The following AUTS2 variants were observed in gnomAD, a reference collection of about 807,000 sequenced individuals.
The protein encoded by AUTS2 is activator of transcription and developmental regulator AUTS2.
AUTS2 carries 17 observed loss-of-function variants against 112.4 expected under a neutral mutation model. The observed-to-expected ratio is 0.15, with a 90% confidence interval of 0.10 to 0.23. The LOEUF is 0.23. AUTS2 is among the 10% of genes least tolerant of loss of function. AUTS2 has a pLI of 1.00. For synonymous variants in AUTS2, 751 were observed against 702.7 expected, an observed-to-expected ratio of 1.07 and a Z score of -1.09; for missense variants, 1,510 against 1,701.6, an observed-to-expected ratio of 0.89 and a Z score of 1.98.
At chr7:69,900,971 A>G (rs185909056) in intron 2 of AUTS2, among the ~76,000 whole-genome samples, 56 of 152,338 alleles carry the variant, frequency 3.7e-4, no homozygotes, top group African/African-American at 1.3e-3. Flanking sequence ...TATCATGGTT[A>G]CTTAACAGCT....
chr7:70,479,788 G>A (rs1259927782), intron 5 of AUTS2, among the ~76,000 whole-genome samples: 3 of 152,184 alleles, frequency 2.0e-5, no homozygotes, highest in Non-Finnish European at 4.4e-5. Flanking sequence ...AGTCCCCGGG[G>A]TTTCCCCTCA....
intron 1 of AUTS2, among the ~76,000 whole-genome samples, chr7:69,851,938 GT>G (rs1410183793): frequency 1.3e-5 from 2 of 152,108 alleles, no homozygotes; most frequent in Non-Finnish European, 2.9e-5. Context: ...AACAGGGACA[GT>G]TTTATTATTT....
chr7:69,786,770 T>C (rs901623239), intron 1 of AUTS2, among the ~76,000 whole-genome samples: 1 of 152,342 alleles, frequency 6.6e-6, no homozygotes, highest in Admixed American at 6.5e-5. Context: ...AATGATTTTT[T>C]AAACTGCATA....
At chr7:70,724,738 C>T (rs1228366738) in intron 6 of AUTS2, among the ~76,000 whole-genome samples, 1 of 152,164 alleles carries the variant, frequency 6.6e-6, no homozygotes, top group African/African-American at 2.4e-5. Context: ...AGCCACCGCG[C>T]CCGGCCTCAT....
chr7:70,176,203 A>G (rs866625417), intron 4 of AUTS2, among the ~76,000 whole-genome samples: 14 of 152,190 alleles, frequency 9.2e-5, no homozygotes, highest in Admixed American at 2.6e-4. Flanking sequence ...TTAGTTTCCA[A>G]TGAAGGATGG....
chr7:70,719,741 C>T (rs1350244824), intron 6 of AUTS2, among the ~76,000 whole-genome samples: 1 of 152,112 alleles, frequency 6.6e-6, no homozygotes, highest in Non-Finnish European at 1.5e-5. Context: ...CGATTACAGG[C>T]GTGAACCACC....
At chr7:70,029,906 T>A (rs1302037825) in intron 2 of AUTS2, among the ~76,000 whole-genome samples, 1 of 152,216 alleles carries the variant, frequency 6.6e-6, no homozygotes, top group Non-Finnish European at 1.5e-5. Context: ...TTTACCAACC[T>A]CTGGCCTGTG....
At chr7:70,086,158 G>A (rs369113300) in intron 2 of AUTS2, among the ~76,000 whole-genome samples, 2 of 152,106 alleles carry the variant, frequency 1.3e-5, no homozygotes, top group East Asian at 3.9e-4. Context: ...CTTTGCATTT[G>A]TGTATGAATT....
At chr7:70,020,753 A>G (rs1229287970) in intron 2 of AUTS2, among the ~76,000 whole-genome samples, 1 of 151,974 alleles carries the variant, frequency 6.6e-6, no homozygotes, top group Non-Finnish European at 1.5e-5. Context: ...GCACAATCAT[A>G]GCTCACTGCA....
chr7:69,859,550 A>G (rs545595863), intron 1 of AUTS2, among the ~76,000 whole-genome samples: 2 of 152,190 alleles, frequency 1.3e-5, no homozygotes, highest in Non-Finnish European at 2.9e-5. Flanking sequence ...TCCTATTCTT[A>G]TCTCCATCCA....
intron 5 of AUTS2, among the ~76,000 whole-genome samples, chr7:70,554,569 A>G (rs1801168177): frequency 6.6e-6 from 1 of 151,718 alleles, no homozygotes; most frequent in South Asian, 2.1e-4. Flanking sequence ...AAACATCAAT[A>G]AACTGCATGT....
chr7:70,364,732 T>C (rs1758308745), intron 4 of AUTS2, among the ~76,000 whole-genome samples: 1 of 152,182 alleles, frequency 6.6e-6, no homozygotes, highest in Admixed American at 6.5e-5. Context: ...TCATTCATTA[T>C]AAAGAACTCT....
At chr7:70,029,496 G>A (rs939498727) in intron 2 of AUTS2, among the ~76,000 whole-genome samples, 1 of 151,900 alleles carries the variant, frequency 6.6e-6, no homozygotes, top group Non-Finnish European at 1.5e-5. Context: ...AACATTTGTT[G>A]AATTGGATTA....
At chr7:70,698,417 A>G in intron 5 of AUTS2, 152 bp from the exon 6 acceptor site, 3 of 626,940 alleles carry the variant, frequency 4.8e-6, no homozygotes, top group Non-Finnish European at 8.1e-6. Flanking sequence ...GCAGTCAACT[A>G]GCACCACCTT....
chr7:69,951,289 T>C (rs1348382526), intron 2 of AUTS2, among the ~76,000 whole-genome samples: 1 of 152,074 alleles, frequency 6.6e-6, no homozygotes, highest in Non-Finnish European at 1.5e-5. Context: ...CTCTTGAGTC[T>C]TCAGGCTTTT....
At chr7:70,455,772 G>C (rs897513571) in intron 5 of AUTS2, among the ~76,000 whole-genome samples, 1 of 152,102 alleles carries the variant, frequency 6.6e-6, no homozygotes, top group African/African-American at 2.4e-5. Context: ...GGGTGACAGA[G>C]TGAGACTCTG....
intron 2 of AUTS2, among the ~76,000 whole-genome samples, chr7:70,117,429 CAG>C (rs1233273756): frequency 6.6e-6 from 1 of 151,508 alleles, no homozygotes; most frequent in African/African-American, 2.4e-5. Flanking sequence ...TGAGACAAGA[CAG>C]AAGAAAAAAG....
intron 5 of AUTS2, among the ~76,000 whole-genome samples, chr7:70,467,088 T>C (rs1797195606): frequency 6.6e-6 from 1 of 152,212 alleles, no homozygotes. Context: ...AATGAGACAT[T>C]ATTCGCTTCA....
intron 2 of AUTS2, among the ~76,000 whole-genome samples, chr7:69,947,880 A>G (rs1584480321): frequency 6.6e-6 from 1 of 152,200 alleles, no homozygotes; most frequent in African/African-American, 2.4e-5. Flanking sequence ...AGGTTAGGAA[A>G]CTGAGGCTCA....
Sources: allele counts gnomAD v4.1 joint callset (sites outside exome capture counted in the v4.1 genomes callset), GRCh38; gene constraint gnomAD v4.1.1; transcripts MANE v1.5; gene names NCBI Gene and HGNC (gene_info 2026-07-23, HGNC 2026-07-21).